The following ACSL6 variants were observed in gnomAD, a reference collection of about 807,000 sequenced individuals.
ACSL6 encodes the protein acyl-CoA synthetase long chain family member 6.
In ACSL6, 47 loss-of-function variants were observed where a neutral mutation model predicts 98.2. The observed-to-expected ratio is 0.48, with a 90% CI of 0.38 to 0.61. The LOEUF is 0.61. ACSL6 is among the 20% of genes least tolerant of loss of function. The probability of loss-of-function intolerance (pLI) is 0.00; values close to 1 mark genes in which losing one functional copy is unlikely to be tolerated. For missense variants in ACSL6, 761 were observed against 913.4 expected, an observed-to-expected ratio of 0.83 and a Z score of 2.15; for synonymous variants, 362 against 336.9, an observed-to-expected ratio of 1.07 and a Z score of -0.82.
Position 131,951,106 on chromosome 5 carries a change from A to C in ACSL6, c.*3128T>G, listed in dbSNP as rs1387476962. On this transcript the variant is annotated 3_prime_UTR_variant, in exon 21 of 21. Coordinates refer to ENST00000651883, the MANE Select transcript of ACSL6 (RefSeq NM_001009185.3). ...GGTATATATTTTATAATATACACAA[A>C]AGGATCTGTTTGCAAAATATGAGAA... 5.0e-6 allele frequency: 1 copy of C among 199,000 alleles called. No individual in the cohort carries two copies. The highest frequency in any genetic ancestry group is 2.3e-5 in the African/African-American group (1 of 43,460). 12.3% of individuals were successfully genotyped at this position (199,000 alleles called of 1,614,324 possible). A position where few individuals can be genotyped will look rare whatever the true frequency, so the allele number is the denominator to read the frequency against.
chr5:131,991,689 C>A (rs1754523160), intron 2 of ACSL6, among the ~76,000 whole-genome samples: 1 of 152,076 alleles, frequency 6.6e-6, no homozygotes, highest in East Asian at 1.9e-4. Flanking sequence ...CCCCTTCTAC[C>A]CTGTCACCCT....
chr5:131,960,323 T>C (rs758433641), intron 19 of ACSL6, among the ~76,000 whole-genome samples, 197 bp downstream of exon 19: 30 of 152,312 alleles, frequency 2.0e-4, no homozygotes, highest in Non-Finnish European at 3.7e-4. Flanking sequence ...CGTTTGTCAA[T>C]CTTTCTAAGA....
chr5:131,976,980 G>T (rs190090358), intron 9 of ACSL6, among the ~76,000 whole-genome samples: 25 of 152,352 alleles, frequency 1.6e-4, no homozygotes, highest in Non-Finnish European at 2.8e-4. Flanking sequence ...GTGCCTCAAG[G>T]CCTGAAGGGT....
chr5:131,976,185 T>A, intron 10 of ACSL6: 3 of 985,474 alleles, frequency 3.0e-6, no homozygotes, highest in Non-Finnish European at 3.6e-6. Context: ...TAGATTTACC[T>A]TTAAGTACAG....
chr5:131,960,683 G>T, intron 18 of ACSL6, 62 bp from the exon 19 acceptor site: 1 of 1,328,878 alleles, frequency 7.5e-7, no homozygotes, highest in Non-Finnish European at 1.0e-6. Context: ...GTTATTTGTG[G>T]TCCAGCATTA....
intron 1 of ACSL6, among the ~76,000 whole-genome samples, chr5:131,999,254 G>C (rs1754941898): frequency 6.6e-6 from 1 of 152,188 alleles, no homozygotes; most frequent in Admixed American, 6.5e-5. Flanking sequence ...GCCCCTCTGG[G>C]CCTCATCTCA....
chr5:131,963,687 C>A (rs1752857624), intron 17 of ACSL6, among the ~76,000 whole-genome samples: 1 of 152,124 alleles, frequency 6.6e-6, no homozygotes, highest in Non-Finnish European at 1.5e-5. Flanking sequence ...TCCACCACCT[C>A]CTCCCAGCAA....
At chr5:131,989,289 A>T in intron 5 of ACSL6, 118 bp downstream of exon 5, 1 of 1,003,248 alleles carries the variant, frequency 1.0e-6, no homozygotes, top group Non-Finnish European at 1.5e-6. Context: ...GGCATAGCCC[A>T]AGGGTCTCTG....
intron 17 of ACSL6, 107 bp downstream of exon 17, chr5:131,966,309 G>T: frequency 3.8e-6 from 4 of 1,060,812 alleles, no homozygotes; most frequent in Middle Eastern, 3.0e-4. Flanking sequence ...GCTCCTGAAT[G>T]ACTCATTGTC....
intron 9 of ACSL6, chr5:131,983,774 A>G (rs190201868): frequency 3.3e-5 from 5 of 152,422 alleles, no homozygotes; most frequent in Admixed American, 1.3e-4. Context: ...TTCAAGCCCT[A>G]TACATTCTGC....
intron 1 of ACSL6, among the ~76,000 whole-genome samples, chr5:131,997,160 G>A (rs575303340): frequency 1.1e-4 from 17 of 152,208 alleles, no homozygotes; most frequent in African/African-American, 4.1e-4. Context: ...CTCAGTGGGA[G>A]GAAGAAGGGG....
In ACSL6 at chr5:131,990,913, G is replaced by A. The variant is rs752758838; in HGVS notation, c.325C>T (p.His109Tyr). Residue 109 changes from histidine to tyrosine, a missense_variant, in exon 3 of 21, where the codon CAC becomes TAC. His to Tyr is a moderately conservative substitution (Grantham distance 83). Coordinates refer to ENST00000651883, the MANE Select transcript of ACSL6 (RefSeq NM_001009185.3). ...ATGGTCCGGGCATCATCATAGTAGT[G>A]GGTAAGTAGCTGAGGGCCAGACCCA... ...VIGSGPQLLT[H>Y]YYDDARTMYQ... 1 of 1,613,992 alleles carries A rather than the reference G, an allele frequency of 6.2e-7. No homozygotes were observed. The highest frequency in any genetic ancestry group is 1.1e-5 in the South Asian group (1 of 91,072).
chr5:131,959,949 A>G (rs941537446), intron 19 of ACSL6, among the ~76,000 whole-genome samples: 1 of 152,126 alleles, frequency 6.6e-6, no homozygotes, highest in African/African-American at 2.4e-5. Context: ...GGCTACTACT[A>G]AGAAATGGAC....
intron 9 of ACSL6, chr5:131,981,866 CT>C (rs935481355): frequency 9.3e-5 from 14 of 151,300 alleles, no homozygotes; most frequent in South Asian, 2.1e-4. Context: ...GCCTTTTTTT[CT>C]TTTTTTTTGT....
intron 9 of ACSL6, chr5:131,981,876 GTGA>G (rs1231253674): frequency 6.6e-6 from 1 of 150,490 alleles, no homozygotes; most frequent in African/African-American, 2.4e-5. Context: ...CTTTTTTTTT[GTGA>G]TGGAGTCTCG....
At chr5:132,012,003 C>T, upstream of ACSL6, 1 of 1,485,028 alleles carries the variant, frequency 6.7e-7, no homozygotes, top group South Asian at 1.3e-5. Flanking sequence ...CCACCCACCC[C>T]ATCAACACGC....
Position 131,954,141 on chromosome 5 carries a change from A to G in ACSL6, c.*93T>C. ...CAGTCATAAAATCAGATGCTTATTC[A>G]TTTTCAGCTGTGTCATTTTGACTCA... On this transcript the variant is annotated 3_prime_UTR_variant, in exon 21 of 21. Coordinates refer to ENST00000651883, the MANE Select transcript of ACSL6 (RefSeq NM_001009185.3). 2.2e-6 allele frequency: 3 copies of G among 1,345,164 alleles called. No individual in the cohort carries two copies. The highest frequency in any genetic ancestry group is 2.9e-6 in the Non-Finnish European group (3 of 1,022,592). The allele number at this position is 1,345,164 out of a possible 1,614,324, so 83.3% of individuals were successfully genotyped here.
chr5:131,980,359 G>C (rs1753826971), intron 9 of ACSL6, among the ~76,000 whole-genome samples: 2 of 152,148 alleles, frequency 1.3e-5, no homozygotes, highest in South Asian at 2.1e-4. Context: ...AACTATAATA[G>C]TAGCCAAGTA....
chr5:132,007,593 G>T (rs946347456), intron 1 of ACSL6, among the ~76,000 whole-genome samples: 3 of 152,168 alleles, frequency 2.0e-5, no homozygotes, highest in Admixed American at 2.0e-4. Flanking sequence ...CCTCACCTAG[G>T]CAATGGGGAG....
Sources: gnomAD v4.1 joint callset for allele counts (sites outside exome capture counted in the v4.1 genomes callset) on GRCh38, gnomAD v4.1.1 for gene constraint, MANE v1.5 for transcripts, NCBI Gene and HGNC (gene_info 2026-07-23, HGNC 2026-07-21) for gene names.